PTPRD: variants seen among roughly 807,000 people sequenced by gnomAD.
PTPRD encodes the protein protein tyrosine phosphatase receptor type D, also known as receptor-type tyrosine-protein phosphatase delta.
Under a neutral mutation model 214.5 loss-of-function variants are expected in PTPRD, and 34 were observed. The ratio of observed to expected loss-of-function variants is 0.16; its 90% CI spans 0.12 to 0.21. PTPRD has a LOEUF of 0.21. Among genes scored for constraint, PTPRD ranks in the 10% least tolerant of loss-of-function variants. The probability of loss-of-function intolerance (pLI) is 1.00; values close to 1 mark genes in which losing one functional copy is unlikely to be tolerated. For missense variants in PTPRD, 2,545 were observed against 2,398.7 expected (o/e 1.06, Z -1.27); for synonymous variants, 1,128 against 845.7 (o/e 1.33, Z -5.79).
At chr9:9,591,644 T>A (rs961585369) in intron 7 of PTPRD, among the ~76,000 whole-genome samples, 1 of 152,076 alleles carries the variant, frequency 6.6e-6, no homozygotes, top group African/African-American at 2.4e-5. Context: ...TATTTAGCTA[T>A]GTATTTTTCT....
chr9:9,420,113 T>TGAAG (rs1569568161), intron 8 of PTPRD, among the ~76,000 whole-genome samples: 1 of 151,132 alleles, frequency 6.6e-6, no homozygotes, highest in Non-Finnish European at 1.5e-5. Context: ...GACACTATAA[T>TGAAG]ATTTATAAAA....
In PTPRD at chr9:9,425,374, T is replaced by G. The variant is rs939277110; in HGVS notation, c.-236-27892A>C. 2.8e-3 allele frequency among the ~76,000 whole-genome samples: 305 copies of G among 109,546 alleles called. 6 individuals are homozygous for G. Among genetic ancestry groups the G allele is most frequent in the African/African-American group, 9.4e-3 (274 of 29,002 alleles). 71.9% of individuals were successfully genotyped at this position (109,546 alleles called of 152,430 possible). ...ATGTGCATATATATAAAATATATAT[T>G]ATAATATCTTATACATTATATAATT... On this transcript the variant is annotated intron_variant, in intron 8 of 45. Transcript: ENST00000381196.
intron 3 of PTPRD, among the ~76,000 whole-genome samples, chr9:10,048,906 T>C (rs796914299): frequency 1.1e-4 from 16 of 151,786 alleles, no homozygotes; most frequent in African/African-American, 3.9e-4. Context: ...AGCAGAAAGG[T>C]GGTGGTAGGA....
intron 4 of PTPRD, among the ~76,000 whole-genome samples, chr9:9,986,421 G>C (rs2095711877): frequency 6.6e-6 from 1 of 151,956 alleles, no homozygotes; most frequent in African/African-American, 2.4e-5. Context: ...TAATATTGTA[G>C]AATATTTTTA....
In PTPRD at chr9:8,494,411, T is replaced by C. The variant is rs1405102568; in HGVS notation, c.2350-1432A>G. The stretch of plus-strand genomic sequence containing the variant: ...ATGTTGTATTTCCAGGACCTTGGAA[T>C]GGTTTCCCTAACATTCCAGAGGATA... On this transcript the variant is annotated intron_variant, in intron 26 of 45. Coordinates refer to ENST00000381196, the MANE Select transcript of PTPRD (RefSeq NM_002839.4). 2.0e-5 allele frequency among the ~76,000 whole-genome samples: 3 copies of C among 152,326 alleles called. No homozygotes were observed. In the East Asian group the frequency reaches 5.8e-4, roughly 29 times the overall value.
In PTPRD at chr9:9,818,789, G is replaced by A. The variant is rs143101090; in HGVS notation, c.-367-51938C>T. Among the ~76,000 whole-genome samples, 795 of 151,714 alleles carry A rather than the reference G, an allele frequency of 5.2e-3. 7 individuals are homozygous for A. The highest frequency in any genetic ancestry group is 8.7e-3 in the Non-Finnish European group (589 of 67,874). Reference sequence around the variant, plus strand: ...AAAGTAGCTGGGTGTAGTGGTGTGCGCCTGTAATCCCAGCTACTCGGGAGG... The same window carrying A: ...AAAGTAGCTGGGTGTAGTGGTGTGCACCTGTAATCCCAGCTACTCGGGAGG... On this transcript the variant is annotated intron_variant, in intron 5 of 45. Coordinates refer to ENST00000381196, the MANE Select transcript of PTPRD (RefSeq NM_002839.4).
At chr9:8,845,516 T>C (rs1359152833) in intron 11 of PTPRD, among the ~76,000 whole-genome samples, 1 of 152,246 alleles carries the variant, frequency 6.6e-6, no homozygotes, top group Non-Finnish European at 1.5e-5. Context: ...TGCCAGCTGT[T>C]TGGCATGAAA....
At chr9:9,316,592 T>G (rs1207740918) in intron 9 of PTPRD, among the ~76,000 whole-genome samples, 3 of 152,112 alleles carry the variant, frequency 2.0e-5, no homozygotes, top group African/African-American at 7.2e-5. Context: ...TCCAATGGGC[T>G]TTTGTAGGGG....
intron 11 of PTPRD, among the ~76,000 whole-genome samples, chr9:8,953,001 T>C (rs1298352003): frequency 6.6e-6 from 1 of 151,998 alleles, no homozygotes; most frequent in Non-Finnish European, 1.5e-5. Context: ...CAGAAATCTG[T>C]GGCTGTTTAT....
intron 5 of PTPRD, among the ~76,000 whole-genome samples, chr9:9,925,117 T>A (rs2083813370): frequency 6.6e-6 from 1 of 152,146 alleles, no homozygotes; most frequent in African/African-American, 2.4e-5. Context: ...TCAACTATTA[T>A]AGTAGGTTGT....
chr9:10,513,925 C>A (rs527699481), intron 2 of PTPRD, among the ~76,000 whole-genome samples: 2 of 152,072 alleles, frequency 1.3e-5, no homozygotes, highest in Non-Finnish European at 2.9e-5. Flanking sequence ...CCAAGCAATG[C>A]AAAACCGTGG....
intron 9 of PTPRD, among the ~76,000 whole-genome samples, chr9:9,285,950 G>C (rs1949215284): frequency 6.6e-6 from 1 of 151,494 alleles, no homozygotes; most frequent in Non-Finnish European, 1.5e-5. Context: ...AAATTTCCTG[G>C]TCTGCCAGAG....
At chr9:10,144,903 A>G (rs556838156) in intron 3 of PTPRD, among the ~76,000 whole-genome samples, 1 of 152,242 alleles carries the variant, frequency 6.6e-6, no homozygotes, top group South Asian at 2.1e-4. Flanking sequence ...TAAAATTAGT[A>G]TTAAACTACA....
chr9:10,160,983 TA>T (rs1335759842), intron 3 of PTPRD, among the ~76,000 whole-genome samples: 2 of 151,766 alleles, frequency 1.3e-5, no homozygotes, highest in Non-Finnish European at 3.0e-5. Context: ...CTACAAAGAA[TA>T]TAAAATGCCT....
chr9:8,486,196 G>C lies in PTPRD; in HGVS notation c.2621C>G (p.Ser874Cys), dbSNP rs2135961654. The C allele has an allele frequency of 1.9e-6, 3 of 1,614,156 alleles. No individual in the cohort carries two copies. The highest frequency in any genetic ancestry group is 1.7e-6 in the Non-Finnish European group (2 of 1,180,024). The change falls in exon 28 of 46, where the codon TCT becomes TGT. Residue 874 changes from serine to cysteine, a missense_variant. Physicochemically the swap from Ser to Cys is moderately radical, Grantham distance 112. Transcript: ENST00000381196. ...AGCTGTAAAGTGATCTTCTTTTTCA[G>C]AGAACTCAAGAGTAGTAAGTGGCTC... ...DMEPLTTLEF[S>C]EKEDHFTATD...
chr9:9,967,054 T>C (rs967491374), intron 4 of PTPRD, among the ~76,000 whole-genome samples: 1 of 152,110 alleles, frequency 6.6e-6, no homozygotes, highest in African/African-American at 2.4e-5. Context: ...AGGCAGCATG[T>C]CTCCAATGGC....
At chr9:8,718,579 A>G (rs999064202) in intron 12 of PTPRD, among the ~76,000 whole-genome samples, 35 of 152,192 alleles carry the variant, frequency 2.3e-4, no homozygotes, top group Non-Finnish European at 1.5e-5. Flanking sequence ...CCATAGTTGA[A>G]TAGACTTAAC....
intron 35 of PTPRD, among the ~76,000 whole-genome samples, chr9:8,409,062 G>C (rs1009768524): frequency 6.6e-6 from 1 of 152,160 alleles, no homozygotes; most frequent in Non-Finnish European, 1.5e-5. Context: ...TTAGAGGTTT[G>C]CATTGTATTC....
At chr9:10,043,256 T>G (rs2097329220) in intron 3 of PTPRD, among the ~76,000 whole-genome samples, 1 of 151,988 alleles carries the variant, frequency 6.6e-6, no homozygotes, top group Non-Finnish European at 1.5e-5. Context: ...AACTAGTATC[T>G]TATTAGTTAA....
Sources: gnomAD v4.1 joint callset for allele counts (sites outside exome capture counted in the v4.1 genomes callset) on GRCh38, gnomAD v4.1.1 for gene constraint, MANE v1.5 for transcripts, NCBI Gene and HGNC (gene_info 2026-07-23, HGNC 2026-07-21) for gene names.